Variants in GLIS3 observed in about 807,000 individuals in gnomAD.
GLIS3 encodes GLIS family zinc finger 3.
In GLIS3, 53 loss-of-function variants were observed where a neutral mutation model predicts 78.6. That is an observed-to-expected ratio of 0.67 (90% CI 0.54 to 0.85). The LOEUF is 0.85. Ranked by LOEUF, GLIS3 falls within the 40% of genes least tolerant of loss-of-function variation. The pLI is 0.00. For missense variants in GLIS3, 1,703 were observed against 1,231.1 expected (o/e 1.38, Z -5.74); for synonymous variants, 684 against 509.9 (o/e 1.34, Z -4.60).
At chr9:3,997,041 C>T (rs1209707122) in intron 4 of GLIS3, among the ~76,000 whole-genome samples, 1 of 152,120 alleles carries the variant, frequency 6.6e-6, no homozygotes, top group East Asian at 1.9e-4. Context: ...CCTACATGGC[C>T]TAGACACCTT....
chr9:3,827,788 T>C lies in GLIS3; in HGVS notation c.*484A>G, dbSNP rs565388411. 8 of 211,818 alleles carry C rather than the reference T, an allele frequency of 3.8e-5. No homozygotes were observed. The East Asian group carries it at 7.8e-4, about 21-fold the overall frequency. 13.1% of individuals were successfully genotyped at this position (211,818 alleles called of 1,614,324 possible). On this transcript the variant is annotated 3_prime_UTR_variant, in exon 11 of 11. Coordinates refer to ENST00000381971, the MANE Select transcript of GLIS3 (RefSeq NM_001042413.2). Reference sequence around the variant, plus strand: ...GAGTTTCTAAGAGTTGAGACCACACTATGCTTTGGACATGGATTTCCCTTG... The same window carrying C: ...GAGTTTCTAAGAGTTGAGACCACACCATGCTTTGGACATGGATTTCCCTTG...
chr9:4,093,261 G>GAAA (rs34660802), intron 4 of GLIS3, among the ~76,000 whole-genome samples: 2 of 143,268 alleles, frequency 1.4e-5, no homozygotes, highest in African/African-American at 5.1e-5. Context: ...ATGCTGCCTG[G>GAAA]AAAAAAAAAA....
chr9:4,247,589 G>C (rs1013195264), intron 2 of GLIS3, among the ~76,000 whole-genome samples: 2 of 151,786 alleles, frequency 1.3e-5, no homozygotes, highest in Non-Finnish European at 2.9e-5. Context: ...TTAAAATCAG[G>C]GACAAGAATG....
chr9:4,408,159 G>A, the GLIS3 span, among the ~76,000 whole-genome samples: 1 of 152,166 alleles, frequency 6.6e-6, no homozygotes, highest in Non-Finnish European at 1.5e-5. Flanking sequence ...CTCGTACGCT[G>A]TCAGTGGGAA....
At chr9:4,237,990 G>C (rs1822931323) in intron 2 of GLIS3, among the ~76,000 whole-genome samples, 1 of 152,094 alleles carries the variant, frequency 6.6e-6, no homozygotes, top group African/African-American at 2.4e-5. Context: ...GGACTGTCCA[G>C]AACTTCCTCA....
intron 9 of GLIS3, among the ~76,000 whole-genome samples, chr9:3,849,999 GA>G (rs1171555822): frequency 1.3e-5 from 2 of 152,046 alleles, no homozygotes; most frequent in Non-Finnish European, 2.9e-5. Context: ...AATGAACCCC[GA>G]AAAATCTTGT....
intron 4 of GLIS3, among the ~76,000 whole-genome samples, chr9:4,307,524 C>T (rs72690088): frequency 0.13 from 19,008 of 151,894 alleles, 1,508 homozygotes; most frequent in Non-Finnish European, 0.17. Context: ...AATAATGTCC[C>T]CCCGGCCCCG....
intron 4 of GLIS3, among the ~76,000 whole-genome samples, chr9:4,025,071 G>A (rs999130067): frequency 2.0e-5 from 3 of 147,252 alleles, no homozygotes; most frequent in Admixed American, 6.7e-5. Context: ...TCAAAATGGC[G>A]AGACCCCCAT....
In GLIS3 at chr9:4,055,165, G is replaced by A. The variant is rs188519233; in HGVS notation, c.1710+62603C>T. 1.8e-3 allele frequency among the ~76,000 whole-genome samples: 269 copies of A among 152,238 alleles called. 1 individual carries two copies. Among genetic ancestry groups the A allele is most frequent in the African/African-American group, 6.2e-3 (258 of 41,530 alleles). On this transcript the variant is annotated intron_variant, in intron 4 of 10. Coordinates refer to ENST00000381971, the MANE Select transcript of GLIS3 (RefSeq NM_001042413.2). ...ACCAAGAATGAACAGTGCAACTGGGGCTCCTTGCTTCTCAGCATATGGAGT... is the reference window on the plus strand; with the variant it reads ...ACCAAGAATGAACAGTGCAACTGGGACTCCTTGCTTCTCAGCATATGGAGT...
In GLIS3 at chr9:4,227,194, T is replaced by C. The variant is rs1460850246; in HGVS notation, c.388+58844A>G. ...TAAGCAAGCACCCCTAGTTTTCTCTTCCTCCCTCGGTTGGGTGTTCCATCC... is the reference window on the plus strand; with the variant it reads ...TAAGCAAGCACCCCTAGTTTTCTCTCCCTCCCTCGGTTGGGTGTTCCATCC... On this transcript the variant is annotated intron_variant, in intron 2 of 10. Coordinates refer to ENST00000381971, the MANE Select transcript of GLIS3 (RefSeq NM_001042413.2). Among the ~76,000 whole-genome samples, 3 of 151,776 alleles carry C rather than the reference T, an allele frequency of 2.0e-5. No individual in the cohort carries two copies. In the East Asian group the frequency reaches 5.8e-4, roughly 29 times the overall value.
chr9:3,933,854 G>A, intron 5 of GLIS3, among the ~76,000 whole-genome samples: 1 of 151,896 alleles, frequency 6.6e-6, no homozygotes, highest in East Asian at 1.9e-4. Flanking sequence ...TCCTTTTTTT[G>A]TGTCACTGGA....
At chr9:3,913,861 T>C (rs1227814900) in intron 6 of GLIS3, among the ~76,000 whole-genome samples, 1 of 152,214 alleles carries the variant, frequency 6.6e-6, no homozygotes, top group Non-Finnish European at 1.5e-5. Context: ...AAAACAGTCC[T>C]TCTTTTCACA....
At chr9:4,008,395 A>G (rs1383125914) in intron 4 of GLIS3, among the ~76,000 whole-genome samples, 1 of 152,168 alleles carries the variant, frequency 6.6e-6, no homozygotes, top group African/African-American at 2.4e-5. Flanking sequence ...CCCTGCCCTC[A>G]TTCTGCACCA....
At chr9:3,851,427 A>G (rs1353578054) in intron 9 of GLIS3, among the ~76,000 whole-genome samples, 1 of 152,216 alleles carries the variant, frequency 6.6e-6, no homozygotes, top group Non-Finnish European at 1.5e-5. Context: ...CAAGATTCAA[A>G]CATTAAAGGA....
At chr9:4,100,724 T>C (rs184179911) in intron 4 of GLIS3, among the ~76,000 whole-genome samples, 9 of 152,220 alleles carry the variant, frequency 5.9e-5, no homozygotes, top group Admixed American at 5.2e-4. Flanking sequence ...TGGTATAATA[T>C]TGAGGGGGGG....
chr9:4,453,698 G>A, the GLIS3 span, among the ~76,000 whole-genome samples: 1 of 152,172 alleles, frequency 6.6e-6, no homozygotes, highest in Non-Finnish European at 1.5e-5. Context: ...GTCCTTTGCA[G>A]GGACATGGAT....
intron 4 of GLIS3, among the ~76,000 whole-genome samples, chr9:4,102,881 T>G (rs1830478933): frequency 6.6e-6 from 1 of 152,098 alleles, no homozygotes; most frequent in South Asian, 2.1e-4. Context: ...CTTTTCTATG[T>G]CATCCTTAAG....
intron 8 of GLIS3, among the ~76,000 whole-genome samples, chr9:3,868,431 A>T (rs1425003165): frequency 2.4e-5 from 1 of 41,722 alleles, no homozygotes; most frequent in African/African-American, 4.6e-5. Flanking sequence ...CATAAAATAC[A>T]AGCTTCAAAT....
At chr9:3,858,300 T>C (rs12001796) in intron 8 of GLIS3, among the ~76,000 whole-genome samples, 4,347 of 152,292 alleles carry the variant, frequency 0.029, 223 homozygotes, top group African/African-American at 0.097. Flanking sequence ...AGATCCTATA[T>C]ATATATGATT....
Sources: gnomAD v4.1 joint callset for allele counts (sites outside exome capture counted in the v4.1 genomes callset) on GRCh38, gnomAD v4.1.1 for gene constraint, MANE v1.5 for transcripts, NCBI Gene and HGNC (gene_info 2026-07-23, HGNC 2026-07-21) for gene names.